Variants in GRB10 observed in about 807,000 individuals in gnomAD.
GRB10 encodes the protein growth factor receptor bound protein 10.
Under a neutral mutation model 80.9 loss-of-function variants are expected in GRB10, and 20 were observed. The observed-to-expected ratio is 0.25, with a 90% CI of 0.17 to 0.36. The LOEUF (loss-of-function observed/expected upper bound fraction) is 0.36, where lower values mean the gene tolerates loss of function less well. GRB10 is among the 10% of genes least tolerant of loss of function. The probability of loss-of-function intolerance (pLI) is 1.00; values close to 1 mark genes in which losing one functional copy is unlikely to be tolerated. For missense variants in GRB10, 548 were observed against 747.7 expected (o/e 0.73, Z 3.12); for synonymous variants, 291 against 291.5 (o/e 1.00, Z 0.02).
chr7:50,743,138 G>A (rs564857067), intron 3 of GRB10, among the ~76,000 whole-genome samples: 1 of 152,228 alleles, frequency 6.6e-6, no homozygotes, highest in Non-Finnish European at 1.5e-5. Context: ...GGAGAAGGGG[G>A]AGAAGGGACA....
chr7:50,785,300 G>A (rs945417612), upstream of GRB10, among the ~76,000 whole-genome samples: 7 of 152,204 alleles, frequency 4.6e-5, no homozygotes, highest in South Asian at 8.3e-4. Flanking sequence ...ACAGCTAAGC[G>A]AAGCCTCTAA....
At chr7:50,664,257 C>T (rs1236535087) in intron 7 of GRB10, among the ~76,000 whole-genome samples, 1 of 152,304 alleles carries the variant, frequency 6.6e-6, no homozygotes, top group South Asian at 2.1e-4. Flanking sequence ...GGGTATCGTA[C>T]CCACCAGCCT....
chr7:50,790,722 T>C (rs1453694651), intron 1 of GRB10, among the ~76,000 whole-genome samples: 1 of 152,234 alleles, frequency 6.6e-6, no homozygotes, highest in Non-Finnish European at 1.5e-5. Flanking sequence ...TCCAAGGAAA[T>C]AGATTCCATT....
At chr7:50,624,345 C>T (rs2052474919) in intron 8 of GRB10, among the ~76,000 whole-genome samples, 1 of 152,214 alleles carries the variant, frequency 6.6e-6, no homozygotes, top group African/African-American at 2.4e-5. Context: ...GCCTTGCGGC[C>T]CTTGCGTCCC....
At chr7:50,750,843 T>C (rs2074000672) in intron 3 of GRB10, among the ~76,000 whole-genome samples, 1 of 152,054 alleles carries the variant, frequency 6.6e-6, no homozygotes, top group South Asian at 2.1e-4. Flanking sequence ...ATCTCCTGGG[T>C]CCCCAGATAA....
At chr7:50,699,108 C>CTTGGCATACAGGAGTATCAA (rs2063819658) in intron 5 of GRB10, among the ~76,000 whole-genome samples, 3 of 152,122 alleles carry the variant, frequency 2.0e-5, no homozygotes, top group Non-Finnish European at 4.4e-5. Context: ...GAGTACTATT[C>CTTGGCATACAGGAGTATCAA]CATTTTACAT....
At chr7:50,764,330 T>C (rs2153706469) in intron 2 of GRB10, among the ~76,000 whole-genome samples, 1 of 152,342 alleles carries the variant, frequency 6.6e-6, no homozygotes, top group African/African-American at 2.4e-5. Flanking sequence ...TTCTTCTTCC[T>C]GCCAACTTTT....
chr7:50,692,059 T>C (rs555757646), intron 5 of GRB10, among the ~76,000 whole-genome samples: 1 of 152,222 alleles, frequency 6.6e-6, no homozygotes, highest in African/African-American at 2.4e-5. Context: ...TACTTGCACA[T>C]GTACAGACTT....
chr7:50,676,845 A>G (rs866290668), intron 5 of GRB10, among the ~76,000 whole-genome samples: 18 of 152,296 alleles, frequency 1.2e-4, no homozygotes, highest in Middle Eastern at 3.4e-3. Flanking sequence ...GGGTTTAGCC[A>G]GATCACGCTC....
At chr7:50,686,401 T>C (rs929944853) in intron 5 of GRB10, among the ~76,000 whole-genome samples, 6 of 152,208 alleles carry the variant, frequency 3.9e-5, no homozygotes, top group African/African-American at 1.4e-4. Context: ...AGCCACCCAA[T>C]TGATGGCATT....
chr7:50,623,875 T>C (rs79583638), intron 8 of GRB10, among the ~76,000 whole-genome samples: 2,215 of 152,218 alleles, frequency 0.015, 45 homozygotes, highest in African/African-American at 0.051. Context: ...AGTTGAACAA[T>C]CCAAAATCCC....
chr7:50,742,845 A>G (rs1212966789), intron 3 of GRB10, among the ~76,000 whole-genome samples: 1 of 152,036 alleles, frequency 6.6e-6, no homozygotes, highest in Non-Finnish European at 1.5e-5. Flanking sequence ...GGGGGAAAAT[A>G]TTGGGGAAAA....
chr7:50,721,433 G>A (rs868126685), intron 4 of GRB10, among the ~76,000 whole-genome samples: 1 of 152,202 alleles, frequency 6.6e-6, no homozygotes, highest in South Asian at 2.1e-4. Context: ...GCGGATCACA[G>A]AGCTTGAATT....
chr7:50,748,390 C>T (rs1000272724), intron 3 of GRB10, among the ~76,000 whole-genome samples: 5 of 152,168 alleles, frequency 3.3e-5, no homozygotes, highest in African/African-American at 1.2e-4. Context: ...CCAGGGAGAG[C>T]GTCACGGCAG....
At chr7:50,596,609 G>T (rs2046699883) in intron 17 of GRB10, among the ~76,000 whole-genome samples, 1 of 152,196 alleles carries the variant, frequency 6.6e-6, no homozygotes, top group African/African-American at 2.4e-5. Flanking sequence ...TAACTTCCTG[G>T]TTTTTATAAG....
At chr7:50,603,525 C>T (rs2047984736) in intron 17 of GRB10, among the ~76,000 whole-genome samples, 1 of 152,218 alleles carries the variant, frequency 6.6e-6, no homozygotes, top group African/African-American at 2.4e-5. Flanking sequence ...CTATCCTGGA[C>T]TGTCCAGCCC....
chr7:50,593,919 CT>C (rs972308174), intron 18 of GRB10, among the ~76,000 whole-genome samples: 2 of 152,090 alleles, frequency 1.3e-5, no homozygotes, highest in Non-Finnish European at 2.9e-5. Flanking sequence ...AGTTGCTGTT[CT>C]TTTGTTACTT....
chr7:50,592,636 C>T lies in GRB10; in HGVS notation c.*316G>A, dbSNP rs147538003. The T allele has an allele frequency of 2.9e-3, 1,221 of 419,882 alleles. 11 individuals are homozygous for T. The highest frequency in any genetic ancestry group is 0.023 in the African/African-American group (1,144 of 50,168). The allele number at this position is 419,882 out of a possible 1,614,324, so 26.0% of individuals were successfully genotyped here. A position where few individuals can be genotyped will look rare whatever the true frequency, so the allele number is the denominator to read the frequency against. On this transcript the variant is annotated 3_prime_UTR_variant, in exon 19 of 19. Coordinates refer to ENST00000401949, the MANE Select transcript of GRB10 (RefSeq NM_001350814.2). ...TCCAGGGCAAGAGTTCATTTCCAAT[C>T]ACTTCTCTCCGGTTCTTGTTCCTAA...
chr7:50,678,992 GA>G (rs1333282068), intron 5 of GRB10, among the ~76,000 whole-genome samples: 1 of 152,182 alleles, frequency 6.6e-6, no homozygotes, highest in Non-Finnish European at 1.5e-5. Context: ...CCACTGGGAG[GA>G]ATAGTGAAAG....
Sources: allele counts gnomAD v4.1 joint callset (sites outside exome capture counted in the v4.1 genomes callset), GRCh38; gene constraint gnomAD v4.1.1; transcripts MANE v1.5; gene names NCBI Gene and HGNC (gene_info 2026-07-23, HGNC 2026-07-21).